The following KCNT1 variants were observed in gnomAD, a reference collection of about 807,000 sequenced individuals.
The protein encoded by KCNT1 is potassium channel subfamily T member 1.
Under a neutral mutation model 147.8 loss-of-function variants are expected in KCNT1, and 78 were observed. That is an observed-to-expected ratio of 0.53 (90% CI 0.44 to 0.64). The LOEUF (loss-of-function observed/expected upper bound fraction) is 0.64. Among genes scored for constraint, KCNT1 ranks in the 30% least tolerant of loss-of-function variants. KCNT1 has a pLI of 0.00. For synonymous variants in KCNT1, 867 were observed against 748.8 expected, an observed-to-expected ratio of 1.16 and a Z score of -2.58; for missense variants, 1,419 against 1,750.3, an observed-to-expected ratio of 0.81 and a Z score of 3.38.
chr9:135,741,283 C>T (rs1242450509), intron 2 of KCNT1, among the ~76,000 whole-genome samples: 1 of 152,294 alleles, frequency 6.6e-6, no homozygotes, highest in East Asian at 1.9e-4. Flanking sequence ...CCAGGGAGCA[C>T]CTGGGAGAGA....
chr9:135,753,024 G>A (rs1227114156), intron 4 of KCNT1, among the ~76,000 whole-genome samples: 4 of 149,590 alleles, frequency 2.7e-5, no homozygotes, highest in Non-Finnish European at 5.9e-5. Context: ...AGGGATGGAT[G>A]GATGGACAGA....
Position 135,792,150 on chromosome 9 carries a change from A to C in KCNT1, c.3697A>C (p.Thr1233Pro), listed in dbSNP as rs767191241. Residue 1233 changes from threonine to proline, a missense_variant, in exon 31 of 31, where the codon ACA becomes CCA. Physicochemically the swap from Thr to Pro is conservative, Grantham distance 38. Around this residue, in one of 5 missense-constraint regions of KCNT1, gnomAD observed 306 missense variants for 294.2 expected, o/e 1.04. Coordinates refer to ENST00000371757, the MANE Select transcript of KCNT1 (RefSeq NM_020822.3). ...SSCNPETRDE[T>P]QL ...CTGCAACCCCGAGACTCGCGACGAGACACAGCTCTGAGCCAGCCCTGCACG... is the reference window on the plus strand; with the variant it reads ...CTGCAACCCCGAGACTCGCGACGAGCCACAGCTCTGAGCCAGCCCTGCACG... The C allele has an allele frequency of 1.9e-6, 3 of 1,605,498 alleles. No homozygotes were observed. Among genetic ancestry groups the C allele is most frequent in the Non-Finnish European group, 2.5e-6 (3 of 1,179,598 alleles).
intron 2 of KCNT1, among the ~76,000 whole-genome samples, chr9:135,744,924 C>T (rs1830744419): frequency 1.3e-5 from 2 of 152,202 alleles, no homozygotes; most frequent in Non-Finnish European, 2.9e-5. Context: ...TGGTGTGCCC[C>T]GTCCTCCCCA....
rs549459308 is a variant in KCNT1 at position 135,767,507 on chromosome 9, G to T, written c.1338-1103G>T. Among the ~76,000 whole-genome samples, 4 of 152,226 alleles carry T rather than the reference G, an allele frequency of 2.6e-5. No homozygotes were observed. The East Asian group carries it at 7.7e-4, about 29-fold the overall frequency. The stretch of plus-strand genomic sequence containing the variant: ...CTGGAAGTGACCACCCAGGTTCCCA[G>T]ACCACAGAGTAGCCAGGCCAGGGAG... On this transcript the variant is annotated intron_variant, in intron 13 of 30. Transcript: ENST00000371757.
At chr9:135,750,667 C>G (rs1271110168) in intron 3 of KCNT1, 2 of 557,238 alleles carry the variant, frequency 3.6e-6, no homozygotes, top group African/African-American at 3.8e-5. Flanking sequence ...CAATCCCTAT[C>G]CTGTCCTCCA....
chr9:135,771,239 CAG>C (rs1233081044), intron 18 of KCNT1, 144 bp downstream of exon 18: 3 of 731,950 alleles, frequency 4.1e-6, no homozygotes, highest in East Asian at 2.7e-5. Flanking sequence ...CCAGGCAGGA[CAG>C]GGGCAGGTGA....
At chr9:135,774,490 G>T (rs1285470141) in intron 19 of KCNT1, among the ~76,000 whole-genome samples, 1 of 150,130 alleles carries the variant, frequency 6.7e-6, no homozygotes, top group East Asian at 2.0e-4. Flanking sequence ...TGTTGTGTCT[G>T]TGTGGTGTGT....
intron 18 of KCNT1, 106 bp from the exon 19 acceptor site, chr9:135,772,609 C>A: frequency 1.3e-6 from 1 of 762,008 alleles, no homozygotes; most frequent in Non-Finnish European, 1.9e-6. Context: ...AGGAGCCAGG[C>A]CATGACAGGG....
intron 2 of KCNT1, among the ~76,000 whole-genome samples, chr9:135,722,937 G>T (rs567884096): frequency 6.6e-6 from 1 of 152,346 alleles, no homozygotes; most frequent in Admixed American, 6.5e-5. Context: ...AGAAGGGGAC[G>T]CTGCAAAAGA....
Position 135,757,395 on chromosome 9 carries a change from G to C in KCNT1, c.759+14G>C, listed in dbSNP as rs2131438888. 1 of 1,604,472 alleles carries C rather than the reference G, an allele frequency of 6.2e-7. No individual in the cohort carries two copies. ...GAAAACATGATTGTAAGCCGGGGCG[G>C]GGGGTGCAGCTGGGACTTGGGGGGG... On this transcript the variant is annotated intron_variant, in intron 9 of 30. Transcript: ENST00000371757.
intron 2 of KCNT1, among the ~76,000 whole-genome samples, chr9:135,744,418 C>A (rs1322181912): frequency 6.6e-6 from 1 of 152,242 alleles, no homozygotes; most frequent in African/African-American, 2.4e-5. Flanking sequence ...CACAGGCAGG[C>A]AGTGGGCATG....
intron 24 of KCNT1, among the ~76,000 whole-genome samples, chr9:135,782,716 T>C (rs1313429839): frequency 6.6e-6 from 1 of 152,200 alleles, no homozygotes; most frequent in Non-Finnish European, 1.5e-5. Context: ...CTGTTTAGCG[T>C]TGTTCTGAGT....
chr9:135,717,993 C>T (rs1400547601), intron 2 of KCNT1, among the ~76,000 whole-genome samples: 1 of 152,190 alleles, frequency 6.6e-6, no homozygotes, highest in South Asian at 2.1e-4. Flanking sequence ...GTCACCCAAG[C>T]CCTCCCCTAT....
chr9:135,724,287 G>T (rs1457365795), intron 2 of KCNT1, among the ~76,000 whole-genome samples: 1 of 152,236 alleles, frequency 6.6e-6, no homozygotes, highest in South Asian at 2.1e-4. Context: ...ATCTGCACAG[G>T]TGGGGGCAGC....
At chr9:135,729,621 C>T (rs927736734) in intron 2 of KCNT1, among the ~76,000 whole-genome samples, 6 of 152,200 alleles carry the variant, frequency 3.9e-5, no homozygotes, top group Admixed American at 2.6e-4. Context: ...AGAGGTAGCA[C>T]GTACACCAGG....
chr9:135,745,405 T>G (rs1233904642), intron 2 of KCNT1, among the ~76,000 whole-genome samples: 1 of 151,878 alleles, frequency 6.6e-6, no homozygotes, highest in East Asian at 1.9e-4. Context: ...AAGCGGAGAG[T>G]GTGGCCCCAC....
intron 4 of KCNT1, among the ~76,000 whole-genome samples, chr9:135,753,415 G>A (rs1831301620): frequency 6.6e-6 from 1 of 152,154 alleles, no homozygotes. Flanking sequence ...AGGTGGCTTG[G>A]GGGCCGCTTG....
chr9:135,791,735 C>T, intron 29 of KCNT1, 62 bp from the exon 30 acceptor site: 2 of 1,430,650 alleles, frequency 1.4e-6, no homozygotes, highest in South Asian at 1.1e-5. Context: ...CCTCTGGGCC[C>T]CTGCAGAGCT....
intron 1 of KCNT1, among the ~76,000 whole-genome samples, chr9:135,705,900 G>A (rs1281766398): frequency 2.6e-5 from 4 of 152,216 alleles, no homozygotes; most frequent in Admixed American, 2.6e-4. Context: ...TAGATCGGGG[G>A]CGGGAGGTGG....
Sources: gnomAD v4.1 joint callset for allele counts (sites outside exome capture counted in the v4.1 genomes callset) on GRCh38, gnomAD v4.1.1 for gene constraint, gnomAD v4.1.1 regional missense constraint, MANE v1.5 for transcripts, NCBI Gene and HGNC (gene_info 2026-07-23, HGNC 2026-07-21) for gene names.